The following TTLL11 variants were observed in gnomAD, a reference collection of about 807,000 sequenced individuals.
The protein encoded by TTLL11 is tubulin polyglutamylase TTLL11.
Under a neutral mutation model 51.7 loss-of-function variants are expected in TTLL11, and 42 were observed. The observed-to-expected ratio is 0.81, with a 90% CI of 0.64 to 1.05. The LOEUF is 1.05. TTLL11 is among the 50% of genes least tolerant of loss of function. The probability of loss-of-function intolerance (pLI) is 0.00; values close to 1 mark genes in which losing one functional copy is unlikely to be tolerated. For missense variants in TTLL11, 799 were observed against 940.4 expected (o/e 0.85, Z 1.97); for synonymous variants, 381 against 383.5 (o/e 0.99, Z 0.08).
At chr9:122,023,602 G>A (rs1844238070) in intron 3 of TTLL11, among the ~76,000 whole-genome samples, 1 of 151,838 alleles carries the variant, frequency 6.6e-6, no homozygotes, top group African/African-American at 2.4e-5. Context: ...TTATGACTAA[G>A]TGGAGTTTGT....
At chr9:121,888,261 A>G (rs927845086) in intron 6 of TTLL11, among the ~76,000 whole-genome samples, 1 of 152,210 alleles carries the variant, frequency 6.6e-6, no homozygotes, top group Non-Finnish European at 1.5e-5. Context: ...CCCAGAGAGC[A>G]CTGGGCAAAG....
At chr9:122,048,036 C>T (rs1845064529) in intron 1 of TTLL11, among the ~76,000 whole-genome samples, 1 of 152,178 alleles carries the variant, frequency 6.6e-6, no homozygotes, top group African/African-American at 2.4e-5. Context: ...CCTGAATCCC[C>T]ACTGCCTCTG....
At chr9:122,000,237 C>A (rs539470782) in intron 3 of TTLL11, among the ~76,000 whole-genome samples, 3 of 151,912 alleles carry the variant, frequency 2.0e-5, no homozygotes, top group Admixed American at 6.6e-5. Context: ...TTTGAGAGGC[C>A]GAGGCAGGCG....
intron 1 of TTLL11, among the ~76,000 whole-genome samples, chr9:122,042,597 T>A (rs1466842073): frequency 6.6e-6 from 1 of 152,194 alleles, no homozygotes; most frequent in Non-Finnish European, 1.5e-5. Context: ...GTTGAAAAAC[T>A]TATATCCACA....
At chr9:121,916,026 C>T (rs969603293) in intron 6 of TTLL11, among the ~76,000 whole-genome samples, 34 of 149,568 alleles carry the variant, frequency 2.3e-4, no homozygotes, top group African/African-American at 8.4e-4. Flanking sequence ...CACACACACA[C>T]ACACACACTG....
chr9:121,923,601 C>T (rs1365538464), intron 6 of TTLL11, among the ~76,000 whole-genome samples: 2 of 152,038 alleles, frequency 1.3e-5, no homozygotes, highest in Non-Finnish European at 2.9e-5. Flanking sequence ...AAACCATATT[C>T]ATCTTTTAAT....
intron 1 of TTLL11, among the ~76,000 whole-genome samples, chr9:122,059,792 C>T (rs1845394476): frequency 6.6e-6 from 1 of 152,262 alleles, no homozygotes; most frequent in South Asian, 2.1e-4. Flanking sequence ...TAAGGTGTTG[C>T]CGGGTTTATG....
rs184956648 is a variant in TTLL11, at chr9:121,977,967, G to A, written c.1270-2988C>T. On this transcript the variant is annotated intron_variant, in intron 4 of 8. Coordinates refer to ENST00000321582, the MANE Select transcript of TTLL11 (RefSeq NM_001139442.2). Reference sequence around the variant, plus strand: ...TGGGATTACAGACGTGAGCCACCGCGTCCGGCCCAGAAAATATTTATTTAA... The same window carrying A: ...TGGGATTACAGACGTGAGCCACCGCATCCGGCCCAGAAAATATTTATTTAA... Among the ~76,000 whole-genome samples, 273 of 152,158 alleles carry A rather than the reference G, an allele frequency of 1.8e-3. 2 individuals are homozygous for A. The highest frequency in any genetic ancestry group is 4.4e-3 in the South Asian group (21 of 4,824).
intron 6 of TTLL11, among the ~76,000 whole-genome samples, chr9:121,906,929 C>T (rs775473649): frequency 7.2e-5 from 11 of 151,912 alleles, no homozygotes; most frequent in East Asian, 1.9e-4. Flanking sequence ...AGTTTTTGGC[C>T]GGGCACGGTG....
chr9:121,822,446 C>T lies in TTLL11; in HGVS notation c.*141G>A, dbSNP rs568869949. ...CCAGCCTGGTGAAGCACAGCTCAGC[C>T]GCACACAGAGACAGTTCGTGGGGAC... On this transcript the variant is annotated 3_prime_UTR_variant, in exon 9 of 9. Coordinates refer to ENST00000321582, the MANE Select transcript of TTLL11 (RefSeq NM_001139442.2). The surrounding 1 kb of genome is among the most constrained non-coding windows in gnomAD (Gnocchi z 5.8). The T allele has an allele frequency of 4.4e-5, 34 of 772,196 alleles. No homozygotes were observed. Among genetic ancestry groups the T allele is most frequent in the African/African-American group, 2.9e-4 (16 of 55,478 alleles). 47.8% of individuals were successfully genotyped at this position (772,196 alleles called of 1,614,324 possible). A position where few individuals can be genotyped will look rare whatever the true frequency, so the allele number is the denominator to read the frequency against.
chr9:121,873,831 CTTTTTTTTTT>C (rs71508142), intron 6 of TTLL11, among the ~76,000 whole-genome samples: 1 of 77,392 alleles, frequency 1.3e-5, no homozygotes, highest in African/African-American at 5.9e-5. Flanking sequence ...ATTAGCCTGA[CTTTTTTTTTT>C]TTTTTTTTTT....
At chr9:121,955,595 A>ATT (rs1841993868) in intron 6 of TTLL11, among the ~76,000 whole-genome samples, 1 of 152,174 alleles carries the variant, frequency 6.6e-6, no homozygotes, top group Admixed American at 6.5e-5. Context: ...ACTGCCCCAG[A>ATT]TTTCACAGGG....
chr9:121,892,261 C>A (rs1316178442), intron 6 of TTLL11, among the ~76,000 whole-genome samples: 1 of 150,926 alleles, frequency 6.6e-6, no homozygotes, highest in African/African-American at 2.4e-5. Flanking sequence ...TCATTTTAGA[C>A]ATTGGAAACT....
At position 122,006,981 on chromosome 9, in the gene TTLL11, C is replaced by CAA. The variant is rs71371911; in HGVS notation, c.694-17213_694-17212dup. On this transcript the variant is annotated intron_variant, in intron 3 of 8. Transcript: ENST00000321582. ...TCGGTGGCAGAGCGAGATACTCTGT[C>CAA]AAAAAAAAAAAAAAAAAAAAAAAAA... 7.4e-3 allele frequency among the ~76,000 whole-genome samples: 320 copies of CAA among 43,410 alleles called. 12 individuals are homozygous for CAA. Among genetic ancestry groups the CAA allele is most frequent in the East Asian group, 0.027 (20 of 734 alleles). The allele number at this position is 43,410 out of a possible 152,430, so 28.5% of individuals were successfully genotyped here. A position where few individuals can be genotyped will look rare whatever the true frequency, so the allele number is the denominator to read the frequency against.
intron 6 of TTLL11, among the ~76,000 whole-genome samples, chr9:121,929,323 C>T (rs1010404243): frequency 2.0e-5 from 3 of 151,934 alleles, no homozygotes; most frequent in Non-Finnish European, 4.4e-5. Flanking sequence ...ACCTGTAATC[C>T]CAGCTACTCA....
intron 1 of TTLL11, among the ~76,000 whole-genome samples, chr9:122,061,318 T>C (rs891919234): frequency 6.6e-6 from 1 of 152,158 alleles, no homozygotes; most frequent in Non-Finnish European, 1.5e-5. Flanking sequence ...GGCTTGGACA[T>C]ATCTTTTTTT....
intron 8 of TTLL11, among the ~76,000 whole-genome samples, chr9:121,843,318 C>T (rs1035535216): frequency 6.6e-5 from 10 of 152,296 alleles, no homozygotes; most frequent in Middle Eastern, 6.8e-3. Context: ...CCATTGAGAC[C>T]TGTGAATATA....
intron 3 of TTLL11, among the ~76,000 whole-genome samples, chr9:122,029,230 T>C (rs747007331): frequency 6.6e-6 from 1 of 152,224 alleles, no homozygotes; most frequent in South Asian, 2.1e-4. Flanking sequence ...GTATTTACTA[T>C]AGTATACTTT....
At chr9:121,912,373 T>C (rs902786382) in intron 6 of TTLL11, among the ~76,000 whole-genome samples, 2 of 151,934 alleles carry the variant, frequency 1.3e-5, no homozygotes, top group Non-Finnish European at 2.9e-5. Flanking sequence ...CTTCCACCCT[T>C]ACCTTCCCCC....
Sources: gnomAD v4.1 joint callset for allele counts (sites outside exome capture counted in the v4.1 genomes callset) on GRCh38, gnomAD v4.1.1 for gene constraint, Gnocchi (gnomAD v3.1) non-coding constraint, MANE v1.5 for transcripts, NCBI Gene and HGNC (gene_info 2026-07-23, HGNC 2026-07-21) for gene names.